Variants in SERGEF observed in about 807,000 individuals in gnomAD.
SERGEF encodes the protein secretion-regulating guanine nucleotide exchange factor.
A neutral mutation model predicts 50.0 loss-of-function variants in SERGEF; 51 were observed. The ratio of observed to expected loss-of-function variants is 1.02; its 90% CI spans 0.81 to 1.29. The LOEUF (loss-of-function observed/expected upper bound fraction) is 1.29, where lower values mean the gene tolerates loss of function less well. Among genes scored for constraint, SERGEF ranks in the 50% most tolerant of loss-of-function variants. SERGEF has a pLI of 0.00. For synonymous variants in SERGEF, 205 were observed against 212.4 expected (o/e 0.97, Z 0.30); for missense variants, 521 against 557.0 (o/e 0.94, Z 0.65).
intron 9 of SERGEF, among the ~76,000 whole-genome samples, chr11:17,932,590 A>G (rs2133948849): frequency 6.6e-6 from 1 of 152,290 alleles, no homozygotes; most frequent in South Asian, 2.1e-4. Flanking sequence ...ATCAGCCCTA[A>G]GAGGAGAAAG....
intron 4 of SERGEF, 72 bp from the exon 5 acceptor site, chr11:18,000,629 A>G: frequency 9.1e-7 from 1 of 1,098,740 alleles, no homozygotes; most frequent in Non-Finnish European, 1.4e-6. Context: ...TTTATACCAA[A>G]TACAATGCAG....
At chr11:17,883,445 A>G (rs1332236587) in intron 9 of SERGEF, among the ~76,000 whole-genome samples, 1 of 152,250 alleles carries the variant, frequency 6.6e-6, no homozygotes, top group Non-Finnish European at 1.5e-5. Flanking sequence ...CTTATAGGCC[A>G]GGCACTTGGC....
intron 10 of SERGEF, among the ~76,000 whole-genome samples, chr11:17,788,671 G>A (rs1293032595): frequency 6.6e-6 from 1 of 151,818 alleles, no homozygotes; most frequent in African/African-American, 2.4e-5. Context: ...TTTCCTCCTC[G>A]GCCCTTCCCT....
At chr11:17,852,464 C>T (rs929322289) in intron 10 of SERGEF, among the ~76,000 whole-genome samples, 3 of 152,164 alleles carry the variant, frequency 2.0e-5, no homozygotes, top group African/African-American at 7.2e-5. Context: ...TTGGTTATAG[C>T]TTCAGCAGCT....
chr11:17,977,825 G>T (rs1281095804), intron 8 of SERGEF, among the ~76,000 whole-genome samples: 3 of 152,174 alleles, frequency 2.0e-5, no homozygotes. Flanking sequence ...TGAACCAGGA[G>T]GCAGGTCATC....
intron 8 of SERGEF, among the ~76,000 whole-genome samples, chr11:17,985,573 G>A (rs1299555795): frequency 6.6e-6 from 1 of 152,176 alleles, no homozygotes; most frequent in Admixed American, 6.5e-5. Context: ...GCTTGGGAAA[G>A]GTTTCTAGAA....
At chr11:17,819,707 C>T (rs1850042173) in intron 10 of SERGEF, among the ~76,000 whole-genome samples, 1 of 152,248 alleles carries the variant, frequency 6.6e-6, no homozygotes, top group South Asian at 2.1e-4. Context: ...ACATCTCAGG[C>T]CCTCCAGCTT....
intron 9 of SERGEF, among the ~76,000 whole-genome samples, chr11:17,916,384 T>C (rs1852048877): frequency 6.6e-6 from 1 of 152,200 alleles, no homozygotes; most frequent in South Asian, 2.1e-4. Context: ...AATTGGCATT[T>C]TGTGTTGGAC....
intron 9 of SERGEF, among the ~76,000 whole-genome samples, chr11:17,950,822 G>C (rs1852759903): frequency 6.6e-6 from 1 of 152,186 alleles, no homozygotes; most frequent in Admixed American, 6.5e-5. Context: ...AAGGTCAAAT[G>C]CAACAAAAGA....
At chr11:17,939,869 T>C (rs1752205579) in intron 9 of SERGEF, among the ~76,000 whole-genome samples, 1 of 152,202 alleles carries the variant, frequency 6.6e-6, no homozygotes, top group Admixed American at 6.5e-5. Context: ...GTAATAGGGT[T>C]GTCAGTCCCT....
intron 2 of SERGEF, among the ~76,000 whole-genome samples, chr11:18,007,531 A>C (rs1854100902): frequency 6.6e-6 from 1 of 152,240 alleles, no homozygotes; most frequent in Non-Finnish European, 1.5e-5. Context: ...CTACTTGTTA[A>C]GTGCTATCCT....
chr11:17,863,684 TC>T (rs1590163833), intron 10 of SERGEF: 1 of 152,260 alleles, frequency 6.6e-6, no homozygotes, highest in East Asian at 1.9e-4. Flanking sequence ...TAGCTCTCTT[TC>T]CCACTAAATG....
intron 10 of SERGEF, among the ~76,000 whole-genome samples, chr11:17,848,798 T>C (rs941814738): frequency 2.6e-5 from 4 of 152,224 alleles, no homozygotes; most frequent in African/African-American, 7.2e-5. Flanking sequence ...TATGAATTAA[T>C]AAATGAAAGT....
chr11:17,992,458 C>T (rs570424125), intron 7 of SERGEF, among the ~76,000 whole-genome samples: 6 of 152,152 alleles, frequency 3.9e-5, no homozygotes, highest in African/African-American at 1.4e-4. Context: ...ACAATACACA[C>T]CAAAATAGAT....
intron 9 of SERGEF, among the ~76,000 whole-genome samples, chr11:17,950,467 A>G (rs1319497099): frequency 6.6e-6 from 1 of 152,228 alleles, no homozygotes; most frequent in Middle Eastern, 3.2e-3. Context: ...TAAGAGTCTA[A>G]AGAAAAAGAG....
intron 10 of SERGEF, among the ~76,000 whole-genome samples, chr11:17,800,130 C>A (rs1312397097): frequency 6.6e-6 from 1 of 151,974 alleles, no homozygotes. Flanking sequence ...TGGGTTAATA[C>A]TTTTAATATA....
intron 10 of SERGEF, among the ~76,000 whole-genome samples, chr11:17,824,734 TG>T (rs1156744187): frequency 6.6e-6 from 1 of 152,184 alleles, no homozygotes; most frequent in African/African-American, 2.4e-5. Flanking sequence ...CAATTCCTAG[TG>T]TCTCTTCTGC....
At chr11:17,826,075 A>G (rs2133848936) in intron 10 of SERGEF, among the ~76,000 whole-genome samples, 2 of 152,322 alleles carry the variant, frequency 1.3e-5, no homozygotes, top group Middle Eastern at 6.8e-3. Flanking sequence ...CATATATGTA[A>G]TCTCTGCCAT....
chr11:18,010,296 G>C (rs1007888304), intron 1 of SERGEF: 1 of 265,460 alleles, frequency 3.8e-6, no homozygotes, highest in Non-Finnish European at 7.5e-6. Flanking sequence ...AGGGGCATAA[G>C]TCCCAGAAGC....
Sources: gnomAD v4.1 joint callset for allele counts (sites outside exome capture counted in the v4.1 genomes callset) on GRCh38, gnomAD v4.1.1 for gene constraint, MANE v1.5 for transcripts, NCBI Gene and HGNC (gene_info 2026-07-23, HGNC 2026-07-21) for gene names.